The following AFF3 variants were observed in gnomAD, a reference collection of about 807,000 sequenced individuals.
The protein encoded by AFF3 is ALF transcription elongation factor 3.
In AFF3, 32 loss-of-function variants were observed where a neutral mutation model predicts 129.7. The ratio of observed to expected loss-of-function variants is 0.25; its 90% CI spans 0.19 to 0.33. The LOEUF is 0.33. Among genes scored for constraint, AFF3 ranks in the 10% least tolerant of loss-of-function variants. The pLI is 1.00. For missense variants in AFF3, 1,373 were observed against 1,592.0 expected, an observed-to-expected ratio of 0.86 and a Z score of 2.34; for synonymous variants, 644 against 635.4, an observed-to-expected ratio of 1.01 and a Z score of -0.20.
At position 99,927,818 on chromosome 2, in the gene AFF3, G is replaced by C. The variant is rs151081571; in HGVS notation, c.873+78814C>G. ...TACTGAGAGGCCCCAGAGCACGTGG[G>C]AGACTGATATGGTTTGGGTGGTTTT... On this transcript the variant is annotated intron_variant, in intron 7 of 24. Coordinates refer to ENST00000672756, the MANE Select transcript of AFF3 (RefSeq NM_001386135.1). Among the ~76,000 whole-genome samples, 13 of 152,284 alleles carry C rather than the reference G, an allele frequency of 8.5e-5. No homozygotes were observed. The East Asian group carries it at 2.5e-3, about 29-fold the overall frequency.
At chr2:100,027,984 A>T (rs1684182818) in intron 4 of AFF3, among the ~76,000 whole-genome samples, 1 of 152,220 alleles carries the variant, frequency 6.6e-6, no homozygotes, top group African/African-American at 2.4e-5. Context: ...ATCCATGTGA[A>T]TTATTTTAGC....
chr2:99,934,443 G>A (rs915250939), intron 7 of AFF3, among the ~76,000 whole-genome samples: 3 of 152,134 alleles, frequency 2.0e-5, no homozygotes, highest in Non-Finnish European at 4.4e-5. Context: ...TAAAACAACA[G>A]ACAAACCTCC....
At chr2:99,953,573 C>T (rs1576420586) in intron 7 of AFF3, among the ~76,000 whole-genome samples, 2 of 152,190 alleles carry the variant, frequency 1.3e-5, no homozygotes, top group East Asian at 3.9e-4. Flanking sequence ...TCGGTAATAG[C>T]TATAACTTCT....
intron 8 of AFF3, among the ~76,000 whole-genome samples, chr2:99,765,782 T>C (rs928655045): frequency 1.3e-5 from 2 of 152,218 alleles, no homozygotes; most frequent in Admixed American, 1.3e-4. Flanking sequence ...CTTTAATTAT[T>C]TAATATTTAA....
At chr2:99,684,799 C>T (rs1004613767) in intron 11 of AFF3, among the ~76,000 whole-genome samples, 2 of 151,294 alleles carry the variant, frequency 1.3e-5, no homozygotes. Flanking sequence ...TTTAATACTA[C>T]CACTTTTGCA....
chr2:100,030,729 T>C (rs557215727), intron 4 of AFF3, among the ~76,000 whole-genome samples: 9 of 152,294 alleles, frequency 5.9e-5, no homozygotes, highest in African/African-American at 1.9e-4. Flanking sequence ...TAAATGCATA[T>C]TGTTAAATGA....
intron 8 of AFF3, among the ~76,000 whole-genome samples, chr2:99,762,214 TCC>T (rs1682675000): frequency 6.7e-6 from 1 of 150,304 alleles, no homozygotes; most frequent in South Asian, 2.1e-4. Context: ...AACCTCTGCC[TCC>T]CCTGTTCAAG....
intron 11 of AFF3, among the ~76,000 whole-genome samples, chr2:99,695,745 T>A (rs1187550942): frequency 6.6e-6 from 1 of 151,694 alleles, no homozygotes; most frequent in Non-Finnish European, 1.5e-5. Flanking sequence ...TGGTAAGCGA[T>A]GGGATTTCAT....
chr2:99,726,074 T>C (rs1370605134), intron 11 of AFF3, among the ~76,000 whole-genome samples: 1 of 152,182 alleles, frequency 6.6e-6, no homozygotes, highest in East Asian at 1.9e-4. Flanking sequence ...TTAAGACCAG[T>C]CACATTCATT....
intron 7 of AFF3, among the ~76,000 whole-genome samples, chr2:99,982,539 T>TA (rs1679504168): frequency 6.6e-6 from 1 of 152,102 alleles, no homozygotes; most frequent in Admixed American, 6.5e-5. Context: ...CAAAAGAACA[T>TA]AAACATAACA....
intron 7 of AFF3, among the ~76,000 whole-genome samples, chr2:99,980,845 A>G (rs1679335591): frequency 6.6e-6 from 1 of 152,248 alleles, no homozygotes; most frequent in South Asian, 2.1e-4. Flanking sequence ...GGAAAAGAGC[A>G]AAAAGAAATG....
intron 12 of AFF3, among the ~76,000 whole-genome samples, chr2:99,670,529 A>C (rs1339098274): frequency 9.4e-6 from 1 of 105,902 alleles, no homozygotes; most frequent in African/African-American, 4.5e-5. Context: ...GAATGAGTGT[A>C]TGTGTCTGTG....
intron 7 of AFF3, among the ~76,000 whole-genome samples, chr2:99,974,991 T>A (rs974592150): frequency 1.3e-5 from 2 of 152,220 alleles, no homozygotes; most frequent in Non-Finnish European, 2.9e-5. Flanking sequence ...ATGGACTTCC[T>A]GAAACCTGTA....
intron 7 of AFF3, among the ~76,000 whole-genome samples, chr2:99,999,218 G>A (rs963013927): frequency 2.6e-5 from 4 of 152,196 alleles, no homozygotes; most frequent in African/African-American, 9.7e-5. Flanking sequence ...TATGTGCTGT[G>A]TTTACATACA....
intron 9 of AFF3, among the ~76,000 whole-genome samples, chr2:99,747,593 A>G (rs2105168623): frequency 6.6e-6 from 1 of 152,320 alleles, no homozygotes; most frequent in African/African-American, 2.4e-5. Context: ...ATTACAAACC[A>G]TAAGATCATG....
In AFF3 at chr2:100,063,327, A is replaced by G. The variant is rs1357320319; in HGVS notation, c.53+41075T>C. 2.0e-5 allele frequency among the ~76,000 whole-genome samples: 3 copies of G among 152,054 alleles called. No homozygotes were observed. In the East Asian group the frequency reaches 5.8e-4, roughly 29 times the overall value. On this transcript the variant is annotated intron_variant, in intron 4 of 24. Coordinates refer to ENST00000672756, the MANE Select transcript of AFF3 (RefSeq NM_001386135.1). ...GAAAAGAGCTGTGGAGATTGGCTGC[A>G]TAACAACGTGAATGTACTTAATATT...
intron 7 of AFF3, among the ~76,000 whole-genome samples, chr2:99,900,176 T>C (rs79785879): frequency 0.014 from 2,201 of 152,310 alleles, 27 homozygotes; most frequent in Non-Finnish European, 0.023. Flanking sequence ...AAGGTTTTAC[T>C]GCAGTTGTAG....
chr2:99,634,756 C>G (rs936585204), intron 13 of AFF3, among the ~76,000 whole-genome samples: 3 of 150,896 alleles, frequency 2.0e-5, no homozygotes, highest in Admixed American at 6.6e-5. Flanking sequence ...TTGTCATCTT[C>G]TATATTTAAG....
intron 7 of AFF3, among the ~76,000 whole-genome samples, chr2:99,975,006 A>C (rs1421155263): frequency 1.3e-5 from 2 of 152,216 alleles, no homozygotes. Flanking sequence ...CCTGTAGCTC[A>C]ATCACTAAGG....
Sources: gnomAD v4.1 joint callset for allele counts (sites outside exome capture counted in the v4.1 genomes callset) on GRCh38, gnomAD v4.1.1 for gene constraint, MANE v1.5 for transcripts, NCBI Gene and HGNC (gene_info 2026-07-23, HGNC 2026-07-21) for gene names.